The following TANC1 variants were observed in gnomAD, a reference collection of about 807,000 sequenced individuals.
TANC1 encodes the protein protein TANC1.
TANC1 carries 77 observed loss-of-function variants against 149.7 expected under a neutral mutation model. The ratio of observed to expected loss-of-function variants is 0.51; its 90% CI spans 0.43 to 0.62. The LOEUF (loss-of-function observed/expected upper bound fraction) is 0.62. TANC1 is among the 20% of genes least tolerant of loss of function. The pLI is 0.00. For synonymous variants in TANC1, 854 were observed against 925.0 expected (o/e 0.92, Z 1.39); for missense variants, 1,985 against 2,321.8 (o/e 0.85, Z 2.98).
intron 1 of TANC1, among the ~76,000 whole-genome samples, chr2:158,992,223 G>A (rs2035700636): frequency 6.6e-6 from 1 of 151,986 alleles, no homozygotes; most frequent in South Asian, 2.1e-4. Flanking sequence ...AATTAGATGG[G>A]CATGGTGGTG....
intron 4 of TANC1, among the ~76,000 whole-genome samples, chr2:159,119,063 G>A (rs1249562625): frequency 6.6e-6 from 1 of 152,142 alleles, no homozygotes; most frequent in Non-Finnish European, 1.5e-5. Flanking sequence ...TAGCTGAGGC[G>A]TAAAAGTAGA....
chr2:159,169,120 C>A, intron 8 of TANC1, 130 bp from the exon 9 acceptor site: 1 of 615,668 alleles, frequency 1.6e-6, no homozygotes, highest in Non-Finnish European at 2.6e-6. Context: ...CAAACAATAT[C>A]AAAATGAAGT....
At chr2:159,076,216 A>G (rs1000591461) in intron 3 of TANC1, among the ~76,000 whole-genome samples, 11 of 151,992 alleles carry the variant, frequency 7.2e-5, no homozygotes, top group Admixed American at 7.2e-4. Flanking sequence ...TAGTAATGCA[A>G]ATTTTCTATA....
chr2:159,014,571 T>G (rs1274134531), intron 2 of TANC1, among the ~76,000 whole-genome samples: 1 of 152,172 alleles, frequency 6.6e-6, no homozygotes, highest in African/African-American at 2.4e-5. Context: ...CCCACAGTCT[T>G]AACTCATTTC....
intron 20 of TANC1, among the ~76,000 whole-genome samples, chr2:159,218,058 TTTTG>T (rs1559478905): frequency 2.1e-5 from 3 of 144,364 alleles, no homozygotes; most frequent in South Asian, 2.2e-4. Flanking sequence ...AGGCTGGGTT[TTTTG>T]TTTGTTTTTG....
chr2:159,087,017 C>T lies in TANC1; in HGVS notation c.62-10620C>T, dbSNP rs368596917. On this transcript the variant is annotated intron_variant, in intron 3 of 26. Transcript: ENST00000263635. ...GGGGGTAAAGAGAGCTTTCCTTGCC[C>T]AGCATCCCAATCGTGAAAAATGTAA... Among the ~76,000 whole-genome samples the T allele has an allele frequency of 1.2e-3, 180 of 151,946 alleles. 1 individual carries two copies. The highest frequency in any genetic ancestry group is 4.2e-3 in the African/African-American group (176 of 41,432).
intron 5 of TANC1, among the ~76,000 whole-genome samples, chr2:159,147,305 A>G (rs544629853): frequency 1.3e-5 from 2 of 152,286 alleles, no homozygotes; most frequent in Admixed American, 1.3e-4. Flanking sequence ...GAGTGGAGAA[A>G]CTGCGGAGAT....
rs2048555146 is a variant in TANC1 at position 159,118,757 on chromosome 2, G to T, written c.260-17437G>T. Among the ~76,000 whole-genome samples, 3 of 152,194 alleles carry T rather than the reference G, an allele frequency of 2.0e-5. No individual in the cohort carries two copies. In the South Asian group the frequency reaches 6.2e-4, roughly 31 times the overall value. On this transcript the variant is annotated intron_variant, in intron 4 of 26. Coordinates refer to ENST00000263635, the MANE Select transcript of TANC1 (RefSeq NM_033394.3). ...AGGGCTGTGCATCTGAATCAGCATTGAAGCAGCGCCACCTTGTGGTTGATG... is the reference window on the plus strand; with the variant it reads ...AGGGCTGTGCATCTGAATCAGCATTTAAGCAGCGCCACCTTGTGGTTGATG...
At chr2:159,040,179 CT>C (rs200945284) in intron 2 of TANC1, among the ~76,000 whole-genome samples, 3,216 of 151,970 alleles carry the variant, frequency 0.021, 105 homozygotes, top group African/African-American at 0.07. Flanking sequence ...GCAACCCCTG[CT>C]TTTTTTTGCT....
intron 2 of TANC1, among the ~76,000 whole-genome samples, chr2:159,018,675 C>T (rs891445780): frequency 3.3e-5 from 5 of 152,210 alleles, no homozygotes; most frequent in African/African-American, 1.2e-4. Context: ...GCCCCTCTAA[C>T]CTCTATTCTA....
chr2:159,230,626 C>T lies in TANC1; in HGVS notation c.5200C>T (p.Gln1734Ter). ...CATCATGGATAAGACTGCGAGGTTC[C>T]AACAGCAGAGCAATCCTCCAAGCCG... ...MGIMDKTARF[Q>*]QQSNPPSRSW... The change falls in exon 27 of 27, where the codon CAA becomes TAA. Residue 1734 changes from glutamine to a stop codon, truncating the protein, a stop_gained. Coordinates refer to ENST00000263635, the MANE Select transcript of TANC1 (RefSeq NM_033394.3). LOFTEE classifies it high-confidence loss of function. This position sits in a 1 kb window ranked among gnomAD's most constrained non-coding sequence, Gnocchi z 4.4. 1 of 1,614,192 alleles carries T rather than the reference C, an allele frequency of 6.2e-7. No homozygotes were observed. Among genetic ancestry groups the T allele is most frequent in the African/African-American group, 1.3e-5 (1 of 75,050 alleles).
chr2:159,115,147 ACT>A (rs2048107611), intron 4 of TANC1, among the ~76,000 whole-genome samples: 2 of 150,854 alleles, frequency 1.3e-5, no homozygotes, highest in Admixed American at 1.3e-4. Context: ...GAAGAGCGAG[ACT>A]CTCCTTTCGG....
At chr2:159,215,311 C>G (rs576335707) in intron 19 of TANC1, among the ~76,000 whole-genome samples, 43 of 152,358 alleles carry the variant, frequency 2.8e-4, no homozygotes, top group African/African-American at 9.9e-4. Context: ...GGTTGCCAGC[C>G]ACACTGCACC....
In TANC1 at chr2:159,178,897, G is replaced by A; in HGVS notation, c.2244G>A (p.Gln748=). 1 of 1,614,200 alleles carries A rather than the reference G, an allele frequency of 6.2e-7. No homozygotes were observed. The highest frequency in any genetic ancestry group is 8.5e-7 in the Non-Finnish European group (1 of 1,180,034). Residue 748 remains glutamine, a synonymous_variant, in exon 14 of 27, where the codon CAG becomes CAA. Coordinates refer to ENST00000263635, the MANE Select transcript of TANC1 (RefSeq NM_033394.3). The stretch of plus-strand genomic sequence containing the variant: ...AGTGCAACATGAAGTTCATGACCCA[G>A]TCCGCCTTTGAGAGGGCACTTCCGA... ...LLQCNMKFMT[Q]SAFERALPIL...
intron 2 of TANC1, among the ~76,000 whole-genome samples, chr2:159,060,792 A>G (rs909732303): frequency 2.6e-5 from 4 of 152,336 alleles, no homozygotes; most frequent in Non-Finnish European, 2.9e-5. Flanking sequence ...GTACTCTTCT[A>G]TGATCTCAGA....
At chr2:159,167,082 C>A (rs773094862) in intron 8 of TANC1, among the ~76,000 whole-genome samples, 1 of 152,172 alleles carries the variant, frequency 6.6e-6, no homozygotes, top group Non-Finnish European at 1.5e-5. Context: ...TTAATCCTTT[C>A]AGTTGTTATA....
chr2:159,175,762 A>C (rs2055783741), intron 12 of TANC1, among the ~76,000 whole-genome samples: 1 of 152,230 alleles, frequency 6.6e-6, no homozygotes, highest in Non-Finnish European at 1.5e-5. Context: ...AAGGTGCTAG[A>C]GGGATAGAAA....
intron 12 of TANC1, among the ~76,000 whole-genome samples, chr2:159,175,950 G>A (rs1047313809): frequency 5.9e-5 from 9 of 152,208 alleles, no homozygotes; most frequent in African/African-American, 2.2e-4. Flanking sequence ...TGGGGGCAGC[G>A]AGGGGGTCAG....
intron 17 of TANC1, 139 bp downstream of exon 17, chr2:159,194,632 T>G (rs2057715817): frequency 1.3e-6 from 1 of 760,518 alleles, no homozygotes; most frequent in Admixed American, 2.2e-5. Context: ...CAGGGATTGG[T>G]CACTTTGTAA....
Sources: gnomAD v4.1 joint callset for allele counts (sites outside exome capture counted in the v4.1 genomes callset) on GRCh38, gnomAD v4.1.1 for gene constraint, Gnocchi (gnomAD v3.1) non-coding constraint, MANE v1.5 for transcripts, NCBI Gene and HGNC (gene_info 2026-07-23, HGNC 2026-07-21) for gene names.